Variants in FHIT observed in about 807,000 individuals in gnomAD.
The protein encoded by FHIT is bis(5'-adenosyl)-triphosphatase.
A neutral mutation model predicts 17.9 loss-of-function variants in FHIT; 19 were observed. The observed-to-expected ratio is 1.06, with a 90% CI of 0.74 to 1.56. The LOEUF (loss-of-function observed/expected upper bound fraction) is 1.56. FHIT is among the 40% of genes most tolerant of loss of function. The probability of loss-of-function intolerance (pLI) is 0.00; values close to 1 mark genes in which losing one functional copy is unlikely to be tolerated. For missense variants in FHIT, 248 were observed against 189.2 expected, an observed-to-expected ratio of 1.31 and a Z score of -1.82; for synonymous variants, 81 against 69.7, an observed-to-expected ratio of 1.16 and a Z score of -0.81.
chr3:60,962,858 G>A (rs146358051), intron 3 of FHIT, among the ~76,000 whole-genome samples: 19 of 152,224 alleles, frequency 1.2e-4, no homozygotes, highest in Middle Eastern at 3.4e-3. Context: ...TTTTTGCATC[G>A]ATGTTCATCA....
intron 3 of FHIT, among the ~76,000 whole-genome samples, chr3:60,845,323 A>G (rs1004150958): frequency 7.9e-5 from 12 of 152,006 alleles, no homozygotes; most frequent in African/African-American, 2.9e-4. Context: ...TAAACTAAAA[A>G]CAAACAAACA....
intron 7 of FHIT, among the ~76,000 whole-genome samples, chr3:59,970,067 A>T (rs1485306435): frequency 6.6e-6 from 1 of 151,946 alleles, no homozygotes; most frequent in Non-Finnish European, 1.5e-5. Context: ...CTTAAGTCTC[A>T]TCTATTTCCA....
At chr3:60,801,369 G>A (rs144914833) in intron 4 of FHIT, among the ~76,000 whole-genome samples, 17 of 152,280 alleles carry the variant, frequency 1.1e-4, no homozygotes, top group African/African-American at 3.4e-4. Flanking sequence ...TTTCCACAGC[G>A]ACAGCCCTAA....
At position 61,061,180 on chromosome 3, in the gene FHIT, T is replaced by G. The variant is rs942782757; in HGVS notation, c.-163-19081A>C. 3.9e-5 allele frequency among the ~76,000 whole-genome samples: 6 copies of G among 152,308 alleles called. 1 individual carries two copies. The highest frequency in any genetic ancestry group is 3.3e-4 in the Admixed American group (5 of 15,298). On this transcript the variant is annotated intron_variant, in intron 2 of 9. Transcript: ENST00000492590. ...TAAGGTGAAGAATTAGAAGACTAGC[T>G]GGGAAGAAGTGAGATGATTGAAGTT...
intron 3 of FHIT, among the ~76,000 whole-genome samples, chr3:60,899,400 G>C (rs1342647115): frequency 1.3e-5 from 2 of 152,104 alleles, no homozygotes; most frequent in East Asian, 1.9e-4. Context: ...GTAATATAAA[G>C]TGAACCCCCA....
chr3:60,583,709 A>G (rs2037819168), intron 4 of FHIT, among the ~76,000 whole-genome samples: 1 of 152,082 alleles, frequency 6.6e-6, no homozygotes, highest in African/African-American at 2.4e-5. Flanking sequence ...TAATTTGCCA[A>G]TCCCCGTCCT....
At chr3:60,897,994 T>C (rs1383142250) in intron 3 of FHIT, among the ~76,000 whole-genome samples, 1 of 152,192 alleles carries the variant, frequency 6.6e-6, no homozygotes, top group Non-Finnish European at 1.5e-5. Flanking sequence ...TATTTTAGGA[T>C]AAAATTAAAA....
intron 3 of FHIT, among the ~76,000 whole-genome samples, chr3:61,018,510 T>C (rs917819102): frequency 7.9e-5 from 12 of 152,192 alleles, no homozygotes; most frequent in Non-Finnish European, 1.5e-5. Context: ...GGGATTTGAC[T>C]GTGAAACAAA....
intron 5 of FHIT, among the ~76,000 whole-genome samples, chr3:60,514,096 T>C (rs2035053817): frequency 6.6e-6 from 1 of 152,152 alleles, no homozygotes; most frequent in African/African-American, 2.4e-5. Context: ...CATCACCCAA[T>C]AAAATCCTCT....
intron 5 of FHIT, among the ~76,000 whole-genome samples, chr3:60,194,468 T>C (rs1489469753): frequency 1.3e-5 from 2 of 152,058 alleles, no homozygotes; most frequent in Admixed American, 6.6e-5. Context: ...ATCTAAGACA[T>C]GAAACCATAA....
At chr3:59,941,310 A>G (rs1050279107) in intron 7 of FHIT, among the ~76,000 whole-genome samples, 2 of 152,212 alleles carry the variant, frequency 1.3e-5, no homozygotes, top group African/African-American at 4.8e-5. Context: ...GACAGACTTC[A>G]TATGAGCCAC....
intron 7 of FHIT, among the ~76,000 whole-genome samples, chr3:59,956,436 G>A (rs189107350): frequency 2.6e-5 from 4 of 152,306 alleles, no homozygotes; most frequent in Non-Finnish European, 4.4e-5. Context: ...TTGGGAGGCC[G>A]AGGCGGGCAG....
At chr3:60,375,627 C>T (rs906344347) in intron 5 of FHIT, among the ~76,000 whole-genome samples, 30 of 152,042 alleles carry the variant, frequency 2.0e-4, no homozygotes, top group African/African-American at 6.8e-4. Flanking sequence ...TTTTAAAGTA[C>T]ACATACATAG....
At chr3:59,997,741 T>A (rs146647076) in intron 7 of FHIT, among the ~76,000 whole-genome samples, 1 of 152,160 alleles carries the variant, frequency 6.6e-6, no homozygotes, top group African/African-American at 2.4e-5. Flanking sequence ...ATAGTCTTCC[T>A]TGACCTAATG....
At chr3:59,819,764 G>A (rs1353826350) in intron 8 of FHIT, among the ~76,000 whole-genome samples, 1 of 152,168 alleles carries the variant, frequency 6.6e-6, no homozygotes, top group African/African-American at 2.4e-5. Flanking sequence ...CGGTCTGAAT[G>A]TATCTCTTCA....
At chr3:60,262,427 A>G (rs1706350376) in intron 5 of FHIT, among the ~76,000 whole-genome samples, 2 of 152,032 alleles carry the variant, frequency 1.3e-5, no homozygotes, top group East Asian at 1.9e-4. Context: ...ACCCCTACAA[A>G]CCTTTTGAAA....
At chr3:61,129,900 T>G (rs990595485) in intron 2 of FHIT, among the ~76,000 whole-genome samples, 3 of 152,192 alleles carry the variant, frequency 2.0e-5, no homozygotes, top group African/African-American at 7.2e-5. Flanking sequence ...GAAATTTATA[T>G]CTTCACTTTT....
At chr3:60,077,804 A>G (rs1176423767) in intron 5 of FHIT, among the ~76,000 whole-genome samples, 1 of 151,608 alleles carries the variant, frequency 6.6e-6, no homozygotes, top group Non-Finnish European at 1.5e-5. Context: ...ATACAATATG[A>G]TGACTACAGT....
At chr3:60,604,947 T>C (rs1553670508) in intron 4 of FHIT, among the ~76,000 whole-genome samples, 1 of 152,194 alleles carries the variant, frequency 6.6e-6, no homozygotes, top group East Asian at 1.9e-4. Context: ...CCAAGGTCCA[T>C]TTTAACACAA....
Sources: allele counts gnomAD v4.1 joint callset (sites outside exome capture counted in the v4.1 genomes callset), GRCh38; gene constraint gnomAD v4.1.1; transcripts MANE v1.5; gene names NCBI Gene and HGNC (gene_info 2026-07-23, HGNC 2026-07-21).